Variants in MKX observed in about 807,000 individuals in gnomAD.
The protein encoded by MKX is mohawk homeobox, also known as homeobox protein Mohawk.
In MKX, 13 loss-of-function variants were observed where a neutral mutation model predicts 36.0. The ratio of observed to expected loss-of-function variants is 0.36; its 90% CI spans 0.24 to 0.57. MKX has a LOEUF of 0.57. Ranked by LOEUF, MKX falls within the 20% of genes least tolerant of loss-of-function variation. MKX has a pLI of 0.79. For synonymous variants in MKX, 176 were observed against 178.3 expected (o/e 0.99, Z 0.10); for missense variants, 458 against 456.4 (o/e 1.00, Z -0.03).
At chr10:27,715,744 C>T (rs1836951768) in intron 5 of MKX, among the ~76,000 whole-genome samples, 1 of 152,088 alleles carries the variant, frequency 6.6e-6, no homozygotes, top group Non-Finnish European at 1.5e-5. Flanking sequence ...TGATGGTGCT[C>T]CTTTCATACT....
intron 5 of MKX, among the ~76,000 whole-genome samples, chr10:27,720,996 A>G (rs1474952263): frequency 2.0e-5 from 3 of 152,214 alleles, no homozygotes; most frequent in Non-Finnish European, 4.4e-5. Context: ...ATAAAAATCC[A>G]GAAATTAACC....
chr10:27,735,450 C>A, intron 3 of MKX, 76 bp from the exon 4 acceptor site: 1 of 1,229,618 alleles, frequency 8.1e-7, no homozygotes, highest in Non-Finnish European at 1.1e-6. Flanking sequence ...CATAAAGGAG[C>A]TAAGCCTCTC....
In MKX at chr10:27,741,838, C is replaced by T. The variant is rs1226574860; in HGVS notation, c.189-334G>A. On this transcript the variant is annotated intron_variant, in intron 2 of 6. Transcript: ENST00000419761. The surrounding 1 kb of genome is among the most constrained non-coding windows in gnomAD (Gnocchi z 5.1). ...GGCAGCGGGGCTAACTGCTACCCTT[C>T]CCTCACCCGCTGGCGCCGCACCCTC... Among the ~76,000 whole-genome samples the T allele has an allele frequency of 6.6e-6, 1 of 152,210 alleles. No homozygotes were observed. The highest frequency in any genetic ancestry group is 1.5e-5 in the Non-Finnish European group (1 of 68,032).
intron 5 of MKX, among the ~76,000 whole-genome samples, chr10:27,720,464 G>A (rs1045014748): frequency 2.0e-5 from 3 of 151,974 alleles, no homozygotes; most frequent in African/African-American, 7.2e-5. Flanking sequence ...AAGAATTCAA[G>A]GATGATTAAG....
chr10:27,675,656 A>G, intron 5 of MKX, 102 bp from the exon 6 acceptor site: 1 of 1,178,206 alleles, frequency 8.5e-7, no homozygotes, highest in South Asian at 1.4e-5. Flanking sequence ...TTCTTCAGGA[A>G]ATATGGTTGA....
intron 5 of MKX, among the ~76,000 whole-genome samples, chr10:27,733,417 A>G (rs1366070171): frequency 6.6e-6 from 1 of 152,230 alleles, no homozygotes; most frequent in Non-Finnish European, 1.5e-5. Context: ...TTTATATCAT[A>G]GGGCCTAGTA....
rs529407159 is a variant in MKX, at chr10:27,674,044, A to G, written c.*1185T>C. 7 of 152,340 alleles carry G rather than the reference A, an allele frequency of 4.6e-5. No individual in the cohort carries two copies. The South Asian group carries it at 1.5e-3, about 32-fold the overall frequency. 9.4% of individuals were successfully genotyped at this position (152,340 alleles called of 1,614,324 possible). ...TGGAATATTATTGTTTAGTTGAGAA[A>G]GATAGTCTTCTTTCTTGATATTGAT... On this transcript the variant is annotated 3_prime_UTR_variant, in exon 7 of 7. Transcript: ENST00000419761.
intron 5 of MKX, among the ~76,000 whole-genome samples, chr10:27,701,686 T>TA (rs1410644865): frequency 2.1e-5 from 3 of 145,286 alleles, no homozygotes; most frequent in Admixed American, 6.9e-5. Flanking sequence ...ATTGTATAAA[T>TA]ATATTAATTT....
intron 5 of MKX, among the ~76,000 whole-genome samples, chr10:27,699,019 T>C (rs1836606095): frequency 6.6e-6 from 1 of 152,218 alleles, no homozygotes; most frequent in Non-Finnish European, 1.5e-5. Flanking sequence ...AGATGAATTA[T>C]TTAAAAATAT....
At position 27,721,823 on chromosome 10, in the gene MKX, A is replaced by C. The variant is rs551522565; in HGVS notation, c.838+12633T>G. Among the ~76,000 whole-genome samples, 7 of 152,304 alleles carry C rather than the reference A, an allele frequency of 4.6e-5. No individual in the cohort carries two copies. The South Asian group carries it at 1.5e-3, about 32-fold the overall frequency. ...AATGTCATGCTATTAATATATGTTTAAGTTTGATAGAATACAATAGAGTCC... is the reference window on the plus strand; with the variant it reads ...AATGTCATGCTATTAATATATGTTTCAGTTTGATAGAATACAATAGAGTCC... On this transcript the variant is annotated intron_variant, in intron 5 of 6. Coordinates refer to ENST00000419761, the MANE Select transcript of MKX (RefSeq NM_173576.3).
intron 5 of MKX, among the ~76,000 whole-genome samples, chr10:27,712,769 C>T (rs530651763): frequency 2.0e-5 from 3 of 152,142 alleles, no homozygotes; most frequent in East Asian, 1.9e-4. Context: ...GACAAGACCC[C>T]GTCTCTACAA....
intron 5 of MKX, among the ~76,000 whole-genome samples, chr10:27,710,993 A>T (rs1049330160): frequency 6.6e-5 from 10 of 152,200 alleles, no homozygotes; most frequent in Non-Finnish European, 1.0e-4. Flanking sequence ...CTTACCAATT[A>T]TATTTATAAG....
intron 5 of MKX, among the ~76,000 whole-genome samples, chr10:27,712,470 ATG>A (rs909797553): frequency 4.6e-5 from 7 of 152,098 alleles, no homozygotes; most frequent in Non-Finnish European, 7.4e-5. Flanking sequence ...GGTAAAGAAC[ATG>A]GGATTTTGAG....
Position 27,744,168 on chromosome 10 carries a change from C to A in MKX, c.-82-671G>T. On this transcript the variant is annotated intron_variant, in intron 1 of 6. Coordinates refer to ENST00000419761, the MANE Select transcript of MKX (RefSeq NM_173576.3). This position sits in a 1 kb window ranked among gnomAD's most constrained non-coding sequence, Gnocchi z 5.6. ...GCGTCAGGACGAAAGCACCACTTCT[C>A]CCCCTTCTCTCCCAGAATCTTCCTA... is the stretch of plus-strand genomic sequence containing the variant. Among the ~76,000 whole-genome samples the A allele has an allele frequency of 6.6e-6, 1 of 152,098 alleles. No individual in the cohort carries two copies. The highest frequency in any genetic ancestry group is 1.9e-4 in the East Asian group (1 of 5,152).
At chr10:27,714,235 C>T (rs750840227) in intron 5 of MKX, among the ~76,000 whole-genome samples, 6 of 152,060 alleles carry the variant, frequency 3.9e-5, no homozygotes, top group Non-Finnish European at 7.4e-5. Context: ...AATCTAACTG[C>T]AGTCTCTGTG....
At position 27,694,793 on chromosome 10, in the gene MKX, G is replaced by T. The variant is rs1413271899; in HGVS notation, c.839-19239C>A. Among the ~76,000 whole-genome samples, 3 of 151,500 alleles carry T rather than the reference G, an allele frequency of 2.0e-5. No homozygotes were observed. In the East Asian group the frequency reaches 5.8e-4, roughly 29 times the overall value. ...CAATGAGAAACAGATAGTAGTTACT[G>T]CCTTGAATCAAAGTATCATACAAAA... On this transcript the variant is annotated intron_variant, in intron 5 of 6. Transcript: ENST00000419761.
At chr10:27,706,010 A>G (rs2132534226) in intron 5 of MKX, among the ~76,000 whole-genome samples, 1 of 152,218 alleles carries the variant, frequency 6.6e-6, no homozygotes, top group Non-Finnish European at 1.5e-5. Context: ...CTGAAACTTG[A>G]TATTCATTAA....
At chr10:27,728,748 G>A (rs1834551232) in intron 5 of MKX, among the ~76,000 whole-genome samples, 1 of 152,138 alleles carries the variant, frequency 6.6e-6, no homozygotes, top group Non-Finnish European at 1.5e-5. Flanking sequence ...ACTGATACCA[G>A]CTTAAATTTT....
intron 5 of MKX, among the ~76,000 whole-genome samples, chr10:27,704,677 A>G (rs1486376133): frequency 2.0e-5 from 3 of 152,208 alleles, no homozygotes; most frequent in African/African-American, 7.2e-5. Flanking sequence ...TTGTCACACC[A>G]TATTATACTA....
Sources: gnomAD v4.1 joint callset for allele counts (sites outside exome capture counted in the v4.1 genomes callset) on GRCh38, gnomAD v4.1.1 for gene constraint, Gnocchi (gnomAD v3.1) non-coding constraint, MANE v1.5 for transcripts, NCBI Gene and HGNC (gene_info 2026-07-23, HGNC 2026-07-21) for gene names.